Variants in SH3RF3 observed in about 807,000 individuals in gnomAD.
SH3RF3 encodes SH3 domain containing ring finger 3.
SH3RF3 carries 29 observed loss-of-function variants against 66.3 expected under a neutral mutation model. That is an observed-to-expected ratio of 0.44 (90% CI 0.33 to 0.60). The LOEUF is 0.60. SH3RF3 is among the 20% of genes least tolerant of loss of function. The pLI, the probability that SH3RF3 is intolerant of heterozygous loss-of-function variation, is 0.04. For synonymous variants in SH3RF3, 583 were observed against 532.0 expected, an observed-to-expected ratio of 1.10 and a Z score of -1.32; for missense variants, 1,194 against 1,190.9, an observed-to-expected ratio of 1.00 and a Z score of -0.04.
intron 3 of SH3RF3, among the ~76,000 whole-genome samples, chr2:109,376,736 G>A (rs939307721): frequency 3.9e-5 from 6 of 152,210 alleles, no homozygotes; most frequent in African/African-American, 1.2e-4. Flanking sequence ...TGGTGTGTGC[G>A]TGAGTGGTCA....
At chr2:109,153,622 G>A (rs974241190) in intron 1 of SH3RF3, among the ~76,000 whole-genome samples, 1 of 152,254 alleles carries the variant, frequency 6.6e-6, no homozygotes, top group Non-Finnish European at 1.5e-5. Context: ...CGCTGTGAAA[G>A]AGTGTGGCAT....
At chr2:109,255,483 C>T (rs1299554429) in intron 1 of SH3RF3, among the ~76,000 whole-genome samples, 3 of 152,120 alleles carry the variant, frequency 2.0e-5, no homozygotes, top group Non-Finnish European at 4.4e-5. Flanking sequence ...ATTAGTCAGC[C>T]GACTGGGTAT....
chr2:109,402,271 C>G (rs556058251), intron 4 of SH3RF3, among the ~76,000 whole-genome samples: 1 of 152,242 alleles, frequency 6.6e-6, no homozygotes, highest in African/African-American at 2.4e-5. Flanking sequence ...CCATGGCAGC[C>G]AAGGCGAGCC....
At chr2:109,292,348 A>G (rs1681204876) in intron 1 of SH3RF3, among the ~76,000 whole-genome samples, 1 of 152,238 alleles carries the variant, frequency 6.6e-6, no homozygotes, top group Non-Finnish European at 1.5e-5. Flanking sequence ...TGTTTTTCAA[A>G]CATGGCTGGG....
At chr2:109,167,982 T>G (rs2104933411) in intron 1 of SH3RF3, among the ~76,000 whole-genome samples, 1 of 152,308 alleles carries the variant, frequency 6.6e-6, no homozygotes, top group East Asian at 1.9e-4. Flanking sequence ...ATGTTGAACA[T>G]AGTGATACAA....
chr2:109,266,768 G>A (rs1020341773), intron 1 of SH3RF3, among the ~76,000 whole-genome samples: 2 of 152,126 alleles, frequency 1.3e-5, no homozygotes, highest in Non-Finnish European at 1.5e-5. Flanking sequence ...CAAGAGACAG[G>A]GGTGAGCGTG....
chr2:109,285,988 A>T (rs948616247), intron 1 of SH3RF3, among the ~76,000 whole-genome samples: 2 of 152,154 alleles, frequency 1.3e-5, no homozygotes, highest in African/African-American at 4.8e-5. Flanking sequence ...CAGTTTGCCT[A>T]GGATAAGCCA....
intron 7 of SH3RF3, among the ~76,000 whole-genome samples, chr2:109,441,778 A>G (rs1373836415): frequency 6.6e-6 from 1 of 152,254 alleles, no homozygotes; most frequent in Admixed American, 6.5e-5. Context: ...TCTCTCATAA[A>G]GAAAACACTG....
chr2:109,436,775 G>A, intron 6 of SH3RF3, 118 bp from the exon 7 acceptor site: 1 of 1,438,906 alleles, frequency 6.9e-7, no homozygotes. Flanking sequence ...CTCGTCCCCA[G>A]ATCAGTTGGC....
At chr2:109,442,031 G>A (rs903643769) in intron 7 of SH3RF3, among the ~76,000 whole-genome samples, 1 of 152,146 alleles carries the variant, frequency 6.6e-6, no homozygotes, top group East Asian at 1.9e-4. Context: ...CACACTATTG[G>A]CCAGGCACAG....
At chr2:109,304,321 A>T (rs925930067) in intron 1 of SH3RF3, among the ~76,000 whole-genome samples, 1 of 152,176 alleles carries the variant, frequency 6.6e-6, no homozygotes, top group African/African-American at 2.4e-5. Context: ...GCTCCAACAT[A>T]TAAGTGAGAT....
chr2:109,286,117 C>G (rs1472935778), intron 1 of SH3RF3, among the ~76,000 whole-genome samples: 1 of 152,116 alleles, frequency 6.6e-6, no homozygotes, highest in Non-Finnish European at 1.5e-5. Flanking sequence ...GTGCTTGGAC[C>G]CTGCAGGCCT....
At chr2:109,454,207 C>T (rs1159467849) in intron 8 of SH3RF3, among the ~76,000 whole-genome samples, 1 of 152,170 alleles carries the variant, frequency 6.6e-6, no homozygotes, top group Non-Finnish European at 1.5e-5. Flanking sequence ...ACAACAATTA[C>T]AATCCTCATT....
chr2:109,219,507 T>G (rs1283097697), intron 1 of SH3RF3, among the ~76,000 whole-genome samples: 1 of 151,794 alleles, frequency 6.6e-6, no homozygotes, highest in Non-Finnish European at 1.5e-5. Context: ...AAAAAAAAAG[T>G]AAAATTATCT....
At chr2:109,437,912 A>G (rs1677454634) in intron 7 of SH3RF3, among the ~76,000 whole-genome samples, 1 of 152,142 alleles carries the variant, frequency 6.6e-6, no homozygotes. Context: ...CGGTGGAGCC[A>G]GTGATGCTGA....
At chr2:109,280,110 T>G (rs887036605) in intron 1 of SH3RF3, among the ~76,000 whole-genome samples, 2 of 152,120 alleles carry the variant, frequency 1.3e-5, no homozygotes, top group African/African-American at 2.4e-5. Flanking sequence ...TTTCTGCATG[T>G]TTTTTGGGGG....
intron 1 of SH3RF3, among the ~76,000 whole-genome samples, chr2:109,137,605 T>C (rs1302353724): frequency 3.3e-5 from 5 of 152,234 alleles, no homozygotes; most frequent in Non-Finnish European, 7.3e-5. Context: ...ATTTAGGATC[T>C]AAGATACATT....
intron 4 of SH3RF3, among the ~76,000 whole-genome samples, chr2:109,419,057 C>T (rs1676801752): frequency 6.6e-6 from 1 of 152,162 alleles, no homozygotes; most frequent in African/African-American, 2.4e-5. Context: ...GAGGGGGGCA[C>T]CCTGTGACTC....
intron 1 of SH3RF3, among the ~76,000 whole-genome samples, chr2:109,131,720 TTTTAGTAGTGACA>T (rs1386467471): frequency 1.3e-5 from 2 of 152,200 alleles, no homozygotes; most frequent in Non-Finnish European, 2.9e-5. Context: ...GCTTGGAACT[TTTTAGTAGTGACA>T]TTTAGTATTA....
Sources: allele counts gnomAD v4.1 joint callset (sites outside exome capture counted in the v4.1 genomes callset), GRCh38; gene constraint gnomAD v4.1.1; transcripts MANE v1.5; gene names NCBI Gene and HGNC (gene_info 2026-07-23, HGNC 2026-07-21).